Variants in KCNAB1 observed in about 807,000 individuals in gnomAD.
The protein encoded by KCNAB1 is potassium voltage-gated channel subfamily A regulatory beta subunit 1.
A neutral mutation model predicts 64.6 loss-of-function variants in KCNAB1; 35 were observed. The observed-to-expected ratio is 0.54, with a 90% CI of 0.41 to 0.72. The LOEUF (loss-of-function observed/expected upper bound fraction) is 0.72. KCNAB1 is among the 30% of genes least tolerant of loss of function. KCNAB1 has a pLI of 0.00. For synonymous variants in KCNAB1, 177 were observed against 183.8 expected (o/e 0.96, Z 0.30); for missense variants, 401 against 512.9 (o/e 0.78, Z 2.11).
At chr3:156,176,806 C>T (rs1466084853) in intron 1 of KCNAB1, 18 of 883,608 alleles carry the variant, frequency 2.0e-5, no homozygotes, top group Non-Finnish European at 2.5e-5. Flanking sequence ...TGCTGCTGCC[C>T]GGCTCCAGGG....
intron 2 of KCNAB1, among the ~76,000 whole-genome samples, chr3:156,429,428 C>T (rs1321463291): frequency 3.3e-5 from 5 of 152,184 alleles, no homozygotes; most frequent in South Asian, 2.1e-4. Context: ...CCCTGCCATT[C>T]GACTCCTGCC....
intron 2 of KCNAB1, among the ~76,000 whole-genome samples, chr3:156,435,805 G>A (rs1269056538): frequency 5.3e-5 from 8 of 152,028 alleles, no homozygotes; most frequent in Non-Finnish European, 1.2e-4. Flanking sequence ...CTTCACCCAG[G>A]TTCTGTTGTG....
intron 8 of KCNAB1, among the ~76,000 whole-genome samples, chr3:156,504,007 C>G (rs1214840368): frequency 1.3e-5 from 2 of 152,154 alleles, no homozygotes; most frequent in Non-Finnish European, 1.5e-5. Context: ...GAACTTATTC[C>G]TCCTATCTGG....
chr3:156,147,045 G>T (rs1037566250), intron 1 of KCNAB1, among the ~76,000 whole-genome samples: 2 of 152,152 alleles, frequency 1.3e-5, no homozygotes, highest in African/African-American at 4.8e-5. Context: ...AAAGAAGATA[G>T]AAAAAACAGT....
chr3:156,348,460 A>G (rs751039167), intron 1 of KCNAB1, among the ~76,000 whole-genome samples: 2 of 152,168 alleles, frequency 1.3e-5, no homozygotes, highest in Non-Finnish European at 2.9e-5. Context: ...TGGATTGGGC[A>G]TGAGAGATTG....
At chr3:156,176,424 A>G (rs943464646) in intron 1 of KCNAB1, 9 of 784,072 alleles carry the variant, frequency 1.1e-5, no homozygotes, top group Middle Eastern at 2.2e-4. Flanking sequence ...AGTGCAAACA[A>G]GGTGGCTAGA....
At chr3:156,340,879 T>A (rs1409805083) in intron 1 of KCNAB1, among the ~76,000 whole-genome samples, 1 of 152,236 alleles carries the variant, frequency 6.6e-6, no homozygotes, top group Non-Finnish European at 1.5e-5. Flanking sequence ...AATGGCAGGC[T>A]ATTCCACTTT....
chr3:156,268,325 A>G (rs1033039771), intron 1 of KCNAB1, among the ~76,000 whole-genome samples: 1 of 152,202 alleles, frequency 6.6e-6, no homozygotes, highest in African/African-American at 2.4e-5. Context: ...TAGTGCTACA[A>G]TAAACGTGAG....
At chr3:156,397,295 G>A (rs1713533718) in intron 1 of KCNAB1, among the ~76,000 whole-genome samples, 1 of 152,170 alleles carries the variant, frequency 6.6e-6, no homozygotes, top group Non-Finnish European at 1.5e-5. Flanking sequence ...CTTATTGGGA[G>A]TAAATGGGGT....
At chr3:156,301,221 T>A (rs1331872919) in intron 1 of KCNAB1, among the ~76,000 whole-genome samples, 9 of 152,024 alleles carry the variant, frequency 5.9e-5, no homozygotes, top group East Asian at 3.9e-4. Context: ...GTTTTTTTTT[T>A]AAAATGTCTT....
intron 1 of KCNAB1, among the ~76,000 whole-genome samples, chr3:156,203,956 C>T (rs1714495993): frequency 6.6e-6 from 1 of 152,122 alleles, no homozygotes; most frequent in Non-Finnish European, 1.5e-5. Flanking sequence ...TTCATTTGTG[C>T]ATCAGGGGGA....
At chr3:156,178,280 C>T (rs1388419524) in intron 1 of KCNAB1, among the ~76,000 whole-genome samples, 1 of 152,192 alleles carries the variant, frequency 6.6e-6, no homozygotes, top group East Asian at 1.9e-4. Context: ...TATTGACCCT[C>T]ACAGTCATTT....
At chr3:156,145,842 G>T (rs1039530486) in intron 1 of KCNAB1, among the ~76,000 whole-genome samples, 3 of 152,076 alleles carry the variant, frequency 2.0e-5, no homozygotes, top group African/African-American at 4.8e-5. Context: ...CAGTCTAAGT[G>T]GGGGAGGGAT....
intron 6 of KCNAB1, 47 bp from the exon 7 acceptor site, chr3:156,465,596 A>G: frequency 6.4e-7 from 1 of 1,553,162 alleles, no homozygotes; most frequent in Non-Finnish European, 8.9e-7. Context: ...AGAGAAGAAA[A>G]GAAAGCACAC....
At chr3:156,223,806 G>T (rs1481534653) in intron 1 of KCNAB1, among the ~76,000 whole-genome samples, 1 of 152,206 alleles carries the variant, frequency 6.6e-6, no homozygotes, top group African/African-American at 2.4e-5. Context: ...AGACATAAAG[G>T]TTCTCCAAGT....
intron 1 of KCNAB1, among the ~76,000 whole-genome samples, chr3:156,241,836 G>A (rs1490181362): frequency 6.6e-6 from 1 of 152,014 alleles, no homozygotes; most frequent in African/African-American, 2.4e-5. Context: ...AAAGGTGACT[G>A]GGAAATAAAT....
At chr3:156,386,711 A>C (rs1712621356) in intron 1 of KCNAB1, among the ~76,000 whole-genome samples, 1 of 152,246 alleles carries the variant, frequency 6.6e-6, no homozygotes, top group Non-Finnish European at 1.5e-5. Flanking sequence ...TTTACTTATT[A>C]GACACAGGGC....
At chr3:156,242,441 G>T (rs752333322) in intron 1 of KCNAB1, among the ~76,000 whole-genome samples, 2 of 151,970 alleles carry the variant, frequency 1.3e-5, no homozygotes, top group Admixed American at 6.6e-5. Flanking sequence ...TCCCCCACCC[G>T]CTTCCCACAT....
At chr3:156,154,459 C>A (rs1715600753) in intron 1 of KCNAB1, among the ~76,000 whole-genome samples, 1 of 152,084 alleles carries the variant, frequency 6.6e-6, no homozygotes, top group Non-Finnish European at 1.5e-5. Flanking sequence ...CTATGGGGGA[C>A]AAGTGTGGAG....
Sources: gnomAD v4.1 joint callset for allele counts (sites outside exome capture counted in the v4.1 genomes callset) on GRCh38, gnomAD v4.1.1 for gene constraint, MANE v1.5 for transcripts, NCBI Gene and HGNC (gene_info 2026-07-23, HGNC 2026-07-21) for gene names.